PRPF18: variants seen among roughly 807,000 people sequenced by gnomAD.
PRPF18 encodes the protein pre-mRNA-splicing factor 18.
Under a neutral mutation model 46.5 loss-of-function variants are expected in PRPF18, and 38 were observed. The ratio of observed to expected loss-of-function variants is 0.82; its 90% confidence interval spans 0.63 to 1.07. The LOEUF is 1.07. PRPF18 is among the 50% of genes least tolerant of loss of function. The probability of loss-of-function intolerance (pLI) is 0.00; values close to 1 mark genes in which losing one functional copy is unlikely to be tolerated. For synonymous variants in PRPF18, 152 were observed against 146.7 expected (o/e 1.04, Z -0.26); for missense variants, 263 against 410.0 (o/e 0.64, Z 3.10).
chr10:13,609,889 T>G, intron 4 of PRPF18, 150 bp from the exon 5 acceptor site: 1 of 715,394 alleles, frequency 1.4e-6, no homozygotes, highest in Non-Finnish European at 2.3e-6. Context: ...GATAGTTGTG[T>G]GATAAATTGA....
the PRPF18 span, chr10:13,639,640 C>A: frequency 2.0e-5 from 3 of 152,220 alleles, no homozygotes; most frequent in African/African-American, 2.4e-5. Context: ...GATTTTAGAA[C>A]CTGTTAGTTC....
chr10:13,654,426 A>G, the PRPF18 span: 1 of 1,592,150 alleles, frequency 6.3e-7, no homozygotes. Context: ...CCAGTCTGCC[A>G]GGTTAGGATG....
intron 1 of PRPF18, among the ~76,000 whole-genome samples, chr10:13,588,034 C>A (rs936988383): frequency 5.3e-5 from 8 of 152,150 alleles, no homozygotes; most frequent in African/African-American, 1.9e-4. Context: ...TATCCCCGCT[C>A]CTACCTGTTG....
chr10:13,618,726 G>T (rs998302997), intron 9 of PRPF18, among the ~76,000 whole-genome samples: 8 of 151,876 alleles, frequency 5.3e-5, no homozygotes, highest in African/African-American at 1.9e-4. Context: ...GTTCTCCAGG[G>T]CAAGAACATA....
At chr10:13,634,499 C>T (rs1477000013), downstream of PRPF18, among the ~76,000 whole-genome samples, 2 of 152,250 alleles carry the variant, frequency 1.3e-5, no homozygotes, top group East Asian at 3.8e-4. Flanking sequence ...AGTTTTACAA[C>T]TTGCCAAAAC....
intron 1 of PRPF18, chr10:13,591,623 CT>C: frequency 1.6e-6 from 1 of 630,960 alleles, no homozygotes; most frequent in Non-Finnish European, 2.9e-6. Context: ...TTTTTCTGTG[CT>C]GAAGATCTCA....
chr10:13,616,298 C>T (rs1159540491), intron 8 of PRPF18, 100 bp from the exon 9 acceptor site: 26 of 1,290,936 alleles, frequency 2.0e-5, no homozygotes, highest in Admixed American at 6.9e-5. Flanking sequence ...AAAAGGTGGA[C>T]GAAAATTACA....
chr10:13,594,240 C>G (rs1381041267), intron 1 of PRPF18, among the ~76,000 whole-genome samples: 3 of 152,216 alleles, frequency 2.0e-5, no homozygotes, highest in African/African-American at 7.2e-5. Context: ...ACAAACACTT[C>G]AGTGAGAAAA....
intron 9 of PRPF18, among the ~76,000 whole-genome samples, chr10:13,620,131 G>T (rs891696561): frequency 6.6e-6 from 1 of 152,146 alleles, no homozygotes; most frequent in Non-Finnish European, 1.5e-5. Context: ...ATTATGTGAA[G>T]TTTAAGTCAA....
chr10:13,599,387 A>G (rs991617567), intron 2 of PRPF18, among the ~76,000 whole-genome samples: 6 of 152,122 alleles, frequency 3.9e-5, no homozygotes, highest in Non-Finnish European at 8.8e-5. Flanking sequence ...TTCTTCCTTA[A>G]TGTTGATCTT....
At chr10:13,640,643 C>T in the PRPF18 span, 1 of 152,418 alleles carries the variant, frequency 6.6e-6, no homozygotes. Flanking sequence ...TTTTCTCCTA[C>T]TTAATAGCAC....
At chr10:13,605,166 T>C (rs1589125141) in intron 3 of PRPF18, among the ~76,000 whole-genome samples, 1 of 152,246 alleles carries the variant, frequency 6.6e-6, no homozygotes, top group South Asian at 2.1e-4. Context: ...ATCTAAAATA[T>C]TTGAAGGATT....
chr10:13,621,674 A>G (rs921624104), intron 9 of PRPF18, among the ~76,000 whole-genome samples: 1 of 152,222 alleles, frequency 6.6e-6, no homozygotes. Context: ...GTATAGATGA[A>G]TTGATCTGTG....
the PRPF18 span, chr10:13,649,469 G>C: frequency 1.6e-5 from 2 of 127,544 alleles, no homozygotes; most frequent in African/African-American, 5.4e-5. Context: ...ATGCTGGATT[G>C]GTGGTTTGGT....
the PRPF18 span, chr10:13,641,797 C>A: frequency 6.6e-6 from 1 of 152,248 alleles, no homozygotes; most frequent in Non-Finnish European, 1.5e-5. Flanking sequence ...TGCAGGGAGT[C>A]ATCGTTGACC....
chr10:13,622,593 C>G (rs888830215), intron 9 of PRPF18, among the ~76,000 whole-genome samples: 2 of 152,196 alleles, frequency 1.3e-5, no homozygotes, highest in Non-Finnish European at 2.9e-5. Context: ...AACCCTTGCA[C>G]TGGAAACTTG....
At chr10:13,600,533 T>C (rs1336899235) in intron 3 of PRPF18, among the ~76,000 whole-genome samples, 185 bp downstream of exon 3, 1 of 152,240 alleles carries the variant, frequency 6.6e-6, no homozygotes, top group Non-Finnish European at 1.5e-5. Flanking sequence ...GGTATTATTA[T>C]CTTAACTTTT....
At chr10:13,618,742 G>A (rs931014538) in intron 9 of PRPF18, among the ~76,000 whole-genome samples, 4 of 151,700 alleles carry the variant, frequency 2.6e-5, no homozygotes, top group African/African-American at 9.7e-5. Context: ...ACATAGTTCA[G>A]TATTGTACCC....
intron 4 of PRPF18, among the ~76,000 whole-genome samples, chr10:13,607,611 A>G (rs1172177162): frequency 6.6e-6 from 1 of 152,166 alleles, no homozygotes; most frequent in Non-Finnish European, 1.5e-5. Context: ...AGGCCTCCTC[A>G]TGTTGCCCAG....
Sources: gnomAD v4.1 joint callset for allele counts (sites outside exome capture counted in the v4.1 genomes callset) on GRCh38, gnomAD v4.1.1 for gene constraint, MANE v1.5 for transcripts, NCBI Gene and HGNC (gene_info 2026-07-23, HGNC 2026-07-21) for gene names.